KCNQ1: variants seen among roughly 807,000 people sequenced by gnomAD.
The protein encoded by KCNQ1 is potassium voltage-gated channel subfamily Q member 1.
In KCNQ1, 49 loss-of-function variants were observed where a neutral mutation model predicts 72.4. The ratio of observed to expected loss-of-function variants is 0.68; its 90% CI spans 0.54 to 0.86. KCNQ1 has a LOEUF of 0.86. KCNQ1 is among the 40% of genes least tolerant of loss of function. The pLI, the probability that KCNQ1 is intolerant of heterozygous loss-of-function variation, is 0.00. For missense variants in KCNQ1, 790 were observed against 945.1 expected (o/e 0.84, Z 2.15); for synonymous variants, 450 against 412.6 (o/e 1.09, Z -1.10).
In KCNQ1 at chr11:2,735,629, C is replaced by T. The variant is rs544392963; in HGVS notation, c.1515-33215C>T. On this transcript the variant is annotated intron_variant, in intron 11 of 15. Coordinates refer to ENST00000155840, the MANE Select transcript of KCNQ1 (RefSeq NM_000218.3). This position sits in a 1 kb window ranked among gnomAD's most constrained non-coding sequence, Gnocchi z 7.7. ...GCTGGGGGATGACATGAGTCCACTC[C>T]GCTGTCACCACCAAGACCACAGTGG... Among the ~76,000 whole-genome samples the T allele has an allele frequency of 2.4e-4, 37 of 152,196 alleles. No homozygotes were observed. Among genetic ancestry groups the T allele is most frequent in the African/African-American group, 7.0e-4 (29 of 41,522 alleles).
At chr11:2,705,955 C>T (rs86392) in intron 11 of KCNQ1, among the ~76,000 whole-genome samples, 78,371 of 151,996 alleles carry the variant, frequency 0.52, 21,636 homozygotes, top group East Asian at 0.88. Flanking sequence ...GGTGCAGAGT[C>T]ATTGGCAGTA....
intron 15 of KCNQ1, among the ~76,000 whole-genome samples, chr11:2,847,476 A>AG (rs1848353431): frequency 6.6e-6 from 1 of 152,202 alleles, no homozygotes; most frequent in African/African-American, 2.4e-5. Flanking sequence ...GAGAAGGAGG[A>AG]GAGGAGAGCT....
In KCNQ1 at chr11:2,488,412, A is replaced by T. The variant is rs190890523; in HGVS notation, c.387-39516A>T. 1.3e-5 allele frequency among the ~76,000 whole-genome samples: 2 copies of T among 152,106 alleles called. No individual in the cohort carries two copies. The highest frequency in any genetic ancestry group is 2.9e-5 in the Non-Finnish European group (2 of 68,008). ...TTCCCCTCCTCTTTAATTTTTTGGG[A>T]AAGATTGAGAAGGATGGGAGTTTAT... On this transcript the variant is annotated intron_variant, in intron 1 of 15. Coordinates refer to ENST00000155840, the MANE Select transcript of KCNQ1 (RefSeq NM_000218.3). The surrounding 1 kb of genome is among the most constrained non-coding windows in gnomAD (Gnocchi z 5.1).
intron 10 of KCNQ1, chr11:2,650,467 G>A (rs1849740303): frequency 5.0e-6 from 2 of 398,482 alleles, no homozygotes; most frequent in Admixed American, 4.4e-5. Context: ...TTTGGCTTTG[G>A]TTCTGGTTCA....
chr11:2,760,252 G>A (rs957104959), intron 11 of KCNQ1, among the ~76,000 whole-genome samples: 5 of 152,204 alleles, frequency 3.3e-5, no homozygotes, highest in Non-Finnish European at 5.9e-5. Context: ...TGTGCCCAGC[G>A]GCACTTCATG....
chr11:2,744,700 G>A (rs79662521), intron 11 of KCNQ1, among the ~76,000 whole-genome samples: 247 of 152,296 alleles, frequency 1.6e-3, no homozygotes, highest in African/African-American at 5.4e-3. Flanking sequence ...ACGGTGTACC[G>A]AATGCATCCA....
At chr11:2,707,706 A>T (rs1374291795) in intron 11 of KCNQ1, among the ~76,000 whole-genome samples, 1 of 152,202 alleles carries the variant, frequency 6.6e-6, no homozygotes, top group Non-Finnish European at 1.5e-5. Flanking sequence ...CACTGTAGAG[A>T]TGGGAAAACT....
At chr11:2,604,007 T>C (rs1320027956) in intron 10 of KCNQ1, among the ~76,000 whole-genome samples, 2 of 152,156 alleles carry the variant, frequency 1.3e-5, no homozygotes, top group Non-Finnish European at 2.9e-5. Flanking sequence ...CTTCATTCTT[T>C]TATGAATGAA....
rs1199628139 is a variant in KCNQ1, at chr11:2,464,712, C to G, written c.386+19228C>G. ...AGGATTACATGGTCCGTGTTGGACT[C>G]TGGGATGCTGGTGGGAAGAACAGTC... On this transcript the variant is annotated intron_variant, in intron 1 of 15. Coordinates refer to ENST00000155840, the MANE Select transcript of KCNQ1 (RefSeq NM_000218.3). This position sits in a 1 kb window ranked among gnomAD's most constrained non-coding sequence, Gnocchi z 5.0. 6.6e-6 allele frequency among the ~76,000 whole-genome samples: 1 copy of G among 152,128 alleles called. No individual in the cohort carries two copies. The highest frequency in any genetic ancestry group is 2.4e-5 in the African/African-American group (1 of 41,424).
chr11:2,600,296 C>G lies in KCNQ1; in HGVS notation c.1393+11442C>G, dbSNP rs1281161700. ...GTGACCTGCTGAGCTAAAGCAGTCC[C>G]TCAGGATTGTTTCTTAAAACAAAAC... On this transcript the variant is annotated intron_variant, in intron 10 of 15. Transcript: ENST00000155840. This position sits in a 1 kb window ranked among gnomAD's most constrained non-coding sequence, Gnocchi z 5.6. Among the ~76,000 whole-genome samples, 1 of 152,164 alleles carries G rather than the reference C, an allele frequency of 6.6e-6. No homozygotes were observed. Among genetic ancestry groups the G allele is most frequent in the Non-Finnish European group, 1.5e-5 (1 of 68,034 alleles).
In KCNQ1 at chr11:2,669,627, C is replaced by T. The variant is rs1362456958; in HGVS notation, c.1514+7546C>T. 3 of 398,520 alleles carry T rather than the reference C, an allele frequency of 7.5e-6. No homozygotes were observed. The highest frequency in any genetic ancestry group is 4.1e-5 in the African/African-American group (2 of 48,638). The allele number at this position is 398,520 out of a possible 1,614,324, so 24.7% of individuals were successfully genotyped here. ...GCAGTCACCTAATCTCTATCAGCCT[C>T]AGTTTCCTCTTGTATACATTGGGAG... On this transcript the variant is annotated intron_variant, in intron 11 of 15. Coordinates refer to ENST00000155840, the MANE Select transcript of KCNQ1 (RefSeq NM_000218.3). This position sits in a 1 kb window ranked among gnomAD's most constrained non-coding sequence, Gnocchi z 5.6.
At position 2,464,635 on chromosome 11, in the gene KCNQ1, G is replaced by C. The variant is rs918035652; in HGVS notation, c.386+19151G>C. On this transcript the variant is annotated intron_variant, in intron 1 of 15. Coordinates refer to ENST00000155840, the MANE Select transcript of KCNQ1 (RefSeq NM_000218.3). The surrounding 1 kb of genome is among the most constrained non-coding windows in gnomAD (Gnocchi z 5.0). Reference sequence around the variant, plus strand: ...TGGGGAGGCCTGGGGGACAGGAGTTGGGGGGGTGGGCAGTGCCTCTGTGTG... The same window carrying C: ...TGGGGAGGCCTGGGGGACAGGAGTTCGGGGGGTGGGCAGTGCCTCTGTGTG... 2.0e-5 allele frequency among the ~76,000 whole-genome samples: 3 copies of C among 151,676 alleles called. No homozygotes were observed. Among genetic ancestry groups the C allele is most frequent in the Non-Finnish European group, 4.4e-5 (3 of 68,014 alleles).
chr11:2,473,736 C>T lies in KCNQ1; in HGVS notation c.386+28252C>T, dbSNP rs1182205976. On this transcript the variant is annotated intron_variant, in intron 1 of 15. Transcript: ENST00000155840. This position sits in a 1 kb window ranked among gnomAD's most constrained non-coding sequence, Gnocchi z 6.0. ...CCAGGGCAGGTCCTGGAGATGGCAGCCTGCAGGTTGAAGCCCCCGACAGCT... is the reference window on the plus strand; with the variant it reads ...CCAGGGCAGGTCCTGGAGATGGCAGTCTGCAGGTTGAAGCCCCCGACAGCT... Among the ~76,000 whole-genome samples, 1 of 152,194 alleles carries T rather than the reference C, an allele frequency of 6.6e-6. No individual in the cohort carries two copies. Among genetic ancestry groups the T allele is most frequent in the Non-Finnish European group, 1.5e-5 (1 of 68,008 alleles).
At chr11:2,786,943 G>A (rs987522427) in intron 15 of KCNQ1, among the ~76,000 whole-genome samples, 6 of 90,376 alleles carry the variant, frequency 6.6e-5, no homozygotes, top group South Asian at 8.0e-4. Flanking sequence ...GTTTCATTTC[G>A]TTTCTGTTTT....
In KCNQ1 at chr11:2,462,012, A is replaced by C. The variant is rs1469388657; in HGVS notation, c.386+16528A>C. 1 of 345,240 alleles carries C rather than the reference A, an allele frequency of 2.9e-6. No homozygotes were observed. Among genetic ancestry groups the C allele is most frequent in the South Asian group, 2.2e-5 (1 of 45,006 alleles). The allele number at this position is 345,240 out of a possible 1,614,324, so 21.4% of individuals were successfully genotyped here. ...GACTCAGCCAGCCTAGTCCCAATAC[A>C]GCTGGGATGCATTGCTGCTCCTTCC... is the stretch of plus-strand genomic sequence containing the variant. On this transcript the variant is annotated intron_variant, in intron 1 of 15. Coordinates refer to ENST00000155840, the MANE Select transcript of KCNQ1 (RefSeq NM_000218.3). This position sits in a 1 kb window ranked among gnomAD's most constrained non-coding sequence, Gnocchi z 8.2.
At position 2,632,182 on chromosome 11, in the gene KCNQ1, CAAAAAAAAAA is replaced by C. The variant is rs34998500; in HGVS notation, c.1394-29767_1394-29758del. On this transcript the variant is annotated intron_variant, in intron 10 of 15. Coordinates refer to ENST00000155840, the MANE Select transcript of KCNQ1 (RefSeq NM_000218.3). ...TGGGCGACAGACCAAGACTCTGCCT[CAAAAAAAAAA>C]AAAAAAAAAAAGAAATGCAACTGAA... 28 of 312,360 alleles carry C rather than the reference CAAAAAAAAAA, an allele frequency of 9.0e-5. No homozygotes were observed. The highest frequency in any genetic ancestry group is 1.2e-4 in the Non-Finnish European group (23 of 189,102). The allele number at this position is 312,360 out of a possible 1,614,324, so 19.3% of individuals were successfully genotyped here. A position where few individuals can be genotyped will look rare whatever the true frequency, so the allele number is the denominator to read the frequency against.
At chr11:2,648,204 C>T (rs375900497) in intron 10 of KCNQ1, 17 of 23,782 alleles carry the variant, frequency 7.1e-4, no homozygotes, top group African/African-American at 1.9e-3. Context: ...GACCGTGTCT[C>T]GGGGGGTGGG....
intron 10 of KCNQ1, chr11:2,641,672 CTG>C (rs1849579139): frequency 2.5e-6 from 1 of 398,108 alleles, no homozygotes; most frequent in Non-Finnish European, 4.4e-6. Context: ...TTGTTTTTGT[CTG>C]TGTTTTTGAG....
In KCNQ1 at chr11:2,445,013, C is replaced by G. The variant is rs1462255673; in HGVS notation, c.-86C>G. The G allele has an allele frequency of 1.1e-6, 1 of 921,632 alleles. No individual in the cohort carries two copies. Among genetic ancestry groups the G allele is most frequent in the African/African-American group, 1.8e-5 (1 of 55,660 alleles). 57.1% of individuals were successfully genotyped at this position (921,632 alleles called of 1,614,324 possible). The stretch of plus-strand genomic sequence containing the variant: ...CCCGCGGCGGGGCTGGCAGCAGTGG[C>G]TGCCCGCACTGCGCCCGGGCGCTCG... On this transcript the variant is annotated 5_prime_UTR_variant, in exon 1 of 16. Coordinates refer to ENST00000155840, the MANE Select transcript of KCNQ1 (RefSeq NM_000218.3).
Sources: gnomAD v4.1 joint callset for allele counts (sites outside exome capture counted in the v4.1 genomes callset) on GRCh38, gnomAD v4.1.1 for gene constraint, Gnocchi (gnomAD v3.1) non-coding constraint, MANE v1.5 for transcripts, NCBI Gene and HGNC (gene_info 2026-07-23, HGNC 2026-07-21) for gene names.